NPAS3: variants seen among roughly 807,000 people sequenced by gnomAD.
NPAS3 encodes the protein neuronal PAS domain protein 3.
NPAS3 carries 14 observed loss-of-function variants against 73.1 expected under a neutral mutation model. The ratio of observed to expected loss-of-function variants is 0.19; its 90% CI spans 0.13 to 0.30. NPAS3 has a LOEUF of 0.30. Ranked by LOEUF, NPAS3 falls within the 10% of genes least tolerant of loss-of-function variation. NPAS3 has a pLI of 1.00. For missense variants in NPAS3, 1,096 were observed against 1,250.0 expected (o/e 0.88, Z 1.86); for synonymous variants, 620 against 541.5 (o/e 1.14, Z -2.01).
At chr14:33,281,262 A>T (rs534179742) in intron 3 of NPAS3, among the ~76,000 whole-genome samples, 8 of 152,340 alleles carry the variant, frequency 5.3e-5, no homozygotes, top group Admixed American at 4.6e-4. Context: ...AGATTTCCTG[A>T]TGGCCTTAGG....
intron 5 of NPAS3, among the ~76,000 whole-genome samples, chr14:33,617,690 T>TA (rs1439799092): frequency 2.0e-5 from 3 of 152,218 alleles, no homozygotes; most frequent in Admixed American, 2.0e-4. Flanking sequence ...CAAAAGCTGT[T>TA]ACGCTGATCT....
intron 10 of NPAS3, among the ~76,000 whole-genome samples, chr14:33,796,312 A>T (rs1217010993): frequency 6.6e-6 from 1 of 152,178 alleles, no homozygotes; most frequent in Non-Finnish European, 1.5e-5. Context: ...TAACAGAATT[A>T]TAGACTCAGA....
At chr14:33,131,157 CAAAGACACTTT>C (rs2043621135) in intron 2 of NPAS3, among the ~76,000 whole-genome samples, 1 of 152,036 alleles carries the variant, frequency 6.6e-6, no homozygotes, top group Non-Finnish European at 1.5e-5. Context: ...GAGTAAGTAA[CAAAGACACTTT>C]TTTCCTCAAG....
chr14:33,082,702 A>G (rs1294950250), intron 2 of NPAS3, among the ~76,000 whole-genome samples: 2 of 152,256 alleles, frequency 1.3e-5, no homozygotes, highest in Non-Finnish European at 2.9e-5. Flanking sequence ...GGCTGGCCCA[A>G]GTTTAGAATC....
chr14:33,223,831 T>C (rs947979293), intron 3 of NPAS3, among the ~76,000 whole-genome samples: 7 of 133,284 alleles, frequency 5.3e-5, no homozygotes, highest in Non-Finnish European at 9.7e-5. Flanking sequence ...TTCAAAAATG[T>C]ATGGCAAAAA....
chr14:33,361,497 A>G (rs17100806), intron 3 of NPAS3, among the ~76,000 whole-genome samples: 6,384 of 152,276 alleles, frequency 0.042, 316 homozygotes, highest in African/African-American at 0.11. Context: ...TAAGAAAAGC[A>G]GACATGGTTT....
In NPAS3 at chr14:33,430,813, G is replaced by A. The variant is rs1040013334; in HGVS notation, c.468+63545G>A. On this transcript the variant is annotated intron_variant, in intron 4 of 11. Coordinates refer to ENST00000356141, the Ensembl canonical transcript of NPAS3. ...GGAGTGGTGGCCTTTATCTGTGCAC[G>A]TGTGCAAACAAAACATCACAGCAGG... Among the ~76,000 whole-genome samples, 9 of 152,240 alleles carry A rather than the reference G, an allele frequency of 5.9e-5. No individual in the cohort carries two copies. The East Asian group carries it at 1.7e-3, about 29-fold the overall frequency.
chr14:33,764,802 CT>C (rs1389745010), intron 7 of NPAS3, among the ~76,000 whole-genome samples: 1 of 152,230 alleles, frequency 6.6e-6, no homozygotes, highest in Non-Finnish European at 1.5e-5. Context: ...CTCTAGGAGA[CT>C]TTAATAAAGT....
intron 2 of NPAS3, among the ~76,000 whole-genome samples, chr14:33,071,742 A>G (rs2041492072): frequency 6.6e-6 from 1 of 152,238 alleles, no homozygotes; most frequent in South Asian, 2.1e-4. Flanking sequence ...TATACAACCT[A>G]GTCAAAGTGG....
chr14:33,370,939 C>T (rs566242993), intron 4 of NPAS3, among the ~76,000 whole-genome samples: 16 of 152,222 alleles, frequency 1.1e-4, no homozygotes, highest in African/African-American at 3.6e-4. Context: ...AACCTAAGTC[C>T]TGTTTCTGCA....
chr14:33,600,788 C>A (rs2057377765), intron 5 of NPAS3, among the ~76,000 whole-genome samples: 1 of 152,160 alleles, frequency 6.6e-6, no homozygotes, highest in African/African-American at 2.4e-5. Flanking sequence ...TTCCAAACAG[C>A]ATAAGTCTAA....
chr14:33,573,574 G>A (rs78343406), intron 5 of NPAS3, among the ~76,000 whole-genome samples: 10 of 152,262 alleles, frequency 6.6e-5, no homozygotes, highest in East Asian at 5.8e-4. Flanking sequence ...TGTAGGAAAC[G>A]GAAAGGTAGC....
chr14:33,741,911 CAA>C (rs544008073), intron 7 of NPAS3, among the ~76,000 whole-genome samples: 202 of 152,114 alleles, frequency 1.3e-3, no homozygotes, highest in African/African-American at 4.7e-3. Context: ...CTATGAATAA[CAA>C]AAGTGATGAT....
At chr14:32,946,760 G>A (rs918965719) in intron 1 of NPAS3, among the ~76,000 whole-genome samples, 1 of 152,136 alleles carries the variant, frequency 6.6e-6, no homozygotes, top group Admixed American at 6.6e-5. Context: ...TTTATGAAAG[G>A]ATAAGTTGCC....
intron 5 of NPAS3, among the ~76,000 whole-genome samples, chr14:33,666,351 G>C (rs755372594): frequency 6.6e-6 from 1 of 152,126 alleles, no homozygotes; most frequent in Non-Finnish European, 1.5e-5. Context: ...TCTTTTCTCT[G>C]TGAGGAGTCA....
At chr14:33,799,874 C>A in exon 12 of NPAS3, 1 of 1,614,170 alleles carries the variant, frequency 6.2e-7, no homozygotes, top group Non-Finnish European at 8.5e-7. Context: ...CTCCAGTAAC[C>A]CGGACAGCCG....
intron 1 of NPAS3, among the ~76,000 whole-genome samples, chr14:32,966,157 A>G (rs935606037): frequency 1.3e-5 from 2 of 152,202 alleles, no homozygotes; most frequent in African/African-American, 2.4e-5. Flanking sequence ...TGCAATACCT[A>G]TAGAAATACC....
chr14:33,051,296 A>AAAAAAAG (rs771840433), intron 1 of NPAS3, among the ~76,000 whole-genome samples: 11,726 of 141,468 alleles, frequency 0.083, 697 homozygotes, highest in Non-Finnish European at 0.11. Context: ...AAAAAAAAAA[A>AAAAAAAG]AGAGAGACTA....
intron 9 of NPAS3, among the ~76,000 whole-genome samples, chr14:33,790,405 A>G (rs1007622022): frequency 6.6e-6 from 1 of 152,206 alleles, no homozygotes; most frequent in African/African-American, 2.4e-5. Context: ...CAAGTTCTCT[A>G]ATTTATTACA....
Sources: gnomAD v4.1 joint callset for allele counts (sites outside exome capture counted in the v4.1 genomes callset) on GRCh38, gnomAD v4.1.1 for gene constraint, MANE v1.5 for transcripts, NCBI Gene and HGNC (gene_info 2026-07-23, HGNC 2026-07-21) for gene names.